RETREG1: variants seen among roughly 807,000 people sequenced by gnomAD.
RETREG1 encodes the protein reticulophagy regulator 1, also known as family with sequence similarity 134 member B.
In RETREG1, 44 loss-of-function variants were observed where a neutral mutation model predicts 54.8. The ratio of observed to expected loss-of-function variants is 0.80; its 90% CI spans 0.63 to 1.03. The LOEUF (loss-of-function observed/expected upper bound fraction) is 1.03, where lower values mean the gene tolerates loss of function less well. Among genes scored for constraint, RETREG1 ranks in the 50% least tolerant of loss-of-function variants. The pLI is 0.00. For missense variants in RETREG1, 554 were observed against 605.1 expected, an observed-to-expected ratio of 0.92 and a Z score of 0.89; for synonymous variants, 217 against 238.5, an observed-to-expected ratio of 0.91 and a Z score of 0.83.
chr5:16,516,981 T>C (rs1259422543), intron 3 of RETREG1, among the ~76,000 whole-genome samples: 3 of 151,764 alleles, frequency 2.0e-5, no homozygotes, highest in Non-Finnish European at 4.4e-5. Context: ...TTCTAAACCG[T>C]ATATGTGAGG....
chr5:16,550,237 A>T (rs1317508831), intron 3 of RETREG1, among the ~76,000 whole-genome samples: 6 of 150,898 alleles, frequency 4.0e-5, no homozygotes, highest in Admixed American at 4.0e-4. Flanking sequence ...AATAATGTCG[A>T]CTTCCTTCCT....
intron 1 of RETREG1, among the ~76,000 whole-genome samples, chr5:16,609,472 T>C (rs1743280906): frequency 6.6e-6 from 1 of 152,178 alleles, no homozygotes; most frequent in Admixed American, 6.5e-5. Context: ...CCAGCGATAG[T>C]AGCATCTGTA....
At chr5:16,525,514 G>A (rs2126587109) in intron 3 of RETREG1, among the ~76,000 whole-genome samples, 1 of 152,290 alleles carries the variant, frequency 6.6e-6, no homozygotes, top group Non-Finnish European at 1.5e-5. Flanking sequence ...AAAGGCACCA[G>A]CAAGGCTCCT....
chr5:16,615,363 G>A (rs1163521010), intron 1 of RETREG1, among the ~76,000 whole-genome samples: 1 of 137,118 alleles, frequency 7.3e-6, no homozygotes, highest in Non-Finnish European at 1.5e-5. Flanking sequence ...TCGCGCCACT[G>A]CACTCCAGCC....
chr5:16,569,667 T>A (rs1273577241), intron 2 of RETREG1, among the ~76,000 whole-genome samples: 2 of 152,176 alleles, frequency 1.3e-5, no homozygotes, highest in Non-Finnish European at 2.9e-5. Flanking sequence ...TCAGATGGTA[T>A]AGGAGGCTGA....
chr5:16,478,315 T>C (rs1738627194), intron 6 of RETREG1, among the ~76,000 whole-genome samples: 1 of 152,162 alleles, frequency 6.6e-6, no homozygotes, highest in Non-Finnish European at 1.5e-5. Flanking sequence ...CTCTTAATAT[T>C]GTCCCTGAAA....
rs185126238 is a variant in RETREG1 at position 16,558,982 on chromosome 5, T to C, written c.458+6781A>G. Among the ~76,000 whole-genome samples, 313 of 152,330 alleles carry C rather than the reference T, an allele frequency of 2.1e-3. 2 individuals carry two copies. Among genetic ancestry groups the C allele is most frequent in the African/African-American group, 7.3e-3 (302 of 41,574 alleles). On this transcript the variant is annotated intron_variant, in intron 3 of 8. Transcript: ENST00000306320. ...CTTTCTACTTTTAAGAGTGACATAATGTTGTGCTCAAGGATTTAATGTGTT... is the reference window on the plus strand; with the variant it reads ...CTTTCTACTTTTAAGAGTGACATAACGTTGTGCTCAAGGATTTAATGTGTT...
At chr5:16,519,654 C>T (rs1295933001) in intron 3 of RETREG1, among the ~76,000 whole-genome samples, 1 of 152,184 alleles carries the variant, frequency 6.6e-6, no homozygotes, top group Non-Finnish European at 1.5e-5. Flanking sequence ...TTCCCTGCCC[C>T]TGAGCTCTCC....
At chr5:16,505,212 G>A (rs973950786) in intron 3 of RETREG1, among the ~76,000 whole-genome samples, 1 of 152,166 alleles carries the variant, frequency 6.6e-6, no homozygotes, top group African/African-American at 2.4e-5. Context: ...TACGGACTCA[G>A]TGGCCTTTGC....
At chr5:16,512,274 C>T (rs1022223452) in intron 3 of RETREG1, among the ~76,000 whole-genome samples, 3 of 152,142 alleles carry the variant, frequency 2.0e-5, no homozygotes, top group Non-Finnish European at 2.9e-5. Flanking sequence ...AGGTGACTTG[C>T]GGGTGACAGA....
chr5:16,614,174 A>G (rs1215615490), intron 1 of RETREG1, among the ~76,000 whole-genome samples: 2 of 152,252 alleles, frequency 1.3e-5, no homozygotes, highest in Non-Finnish European at 2.9e-5. Flanking sequence ...ACCCCTGGAT[A>G]CTATCAAATA....
chr5:16,569,904 T>A (rs534253497), intron 2 of RETREG1, among the ~76,000 whole-genome samples: 2 of 152,322 alleles, frequency 1.3e-5, no homozygotes, highest in Admixed American at 1.3e-4. Context: ...TGAAAACAGA[T>A]TGCAGTGATG....
chr5:16,501,261 A>T (rs979698173), intron 3 of RETREG1, among the ~76,000 whole-genome samples: 1 of 152,176 alleles, frequency 6.6e-6, no homozygotes, highest in South Asian at 2.1e-4. Flanking sequence ...ATTCAGAGAG[A>T]TTAAGTAGCT....
intron 1 of RETREG1, among the ~76,000 whole-genome samples, chr5:16,607,521 G>C (rs185312958): frequency 0.01 from 1,544 of 152,122 alleles, 29 homozygotes; most frequent in African/African-American, 0.035. Flanking sequence ...GGCTGAGGCA[G>C]GAGAATCGCT....
chr5:16,600,851 A>G (rs934432107), intron 1 of RETREG1, among the ~76,000 whole-genome samples: 1 of 152,220 alleles, frequency 6.6e-6, no homozygotes, highest in African/African-American at 2.4e-5. Context: ...AGAAGAGAAA[A>G]ATCTAAGAAT....
intron 3 of RETREG1, among the ~76,000 whole-genome samples, chr5:16,520,087 A>G (rs1393943006): frequency 1.3e-5 from 2 of 152,170 alleles, no homozygotes; most frequent in Non-Finnish European, 2.9e-5. Flanking sequence ...GACTGCAGCC[A>G]TCCAAGGGCT....
At chr5:16,494,241 T>C (rs75478241) in intron 3 of RETREG1, among the ~76,000 whole-genome samples, 2,846 of 152,330 alleles carry the variant, frequency 0.019, 36 homozygotes, top group Non-Finnish European at 0.031. Flanking sequence ...GTATTAATGG[T>C]AAATTAATAA....
intron 3 of RETREG1, among the ~76,000 whole-genome samples, chr5:16,527,107 G>C (rs529541627): frequency 6.6e-6 from 1 of 152,124 alleles, no homozygotes; most frequent in Non-Finnish European, 1.5e-5. Flanking sequence ...ACCTTCCCCC[G>C]CCAGGTGATG....
At chr5:16,531,604 G>A (rs1201772209) in intron 3 of RETREG1, among the ~76,000 whole-genome samples, 4 of 152,136 alleles carry the variant, frequency 2.6e-5, no homozygotes, top group Admixed American at 2.6e-4. Context: ...GGAGGTCTGG[G>A]GGGTGGCAGA....
Sources: gnomAD v4.1 joint callset for allele counts (sites outside exome capture counted in the v4.1 genomes callset) on GRCh38, gnomAD v4.1.1 for gene constraint, MANE v1.5 for transcripts, NCBI Gene and HGNC (gene_info 2026-07-23, HGNC 2026-07-21) for gene names.